Variants in KASH5 observed in about 807,000 individuals in gnomAD.
KASH5 encodes KASH domain containing 5.
In KASH5, 72 loss-of-function variants were observed where a neutral mutation model predicts 84.2. The observed-to-expected ratio is 0.85, with a 90% CI of 0.71 to 1.04. The LOEUF (loss-of-function observed/expected upper bound fraction) is 1.04. KASH5 is among the 50% of genes least tolerant of loss of function. The pLI is 0.00. For synonymous variants in KASH5, 260 were observed against 279.1 expected, an observed-to-expected ratio of 0.93 and a Z score of 0.68; for missense variants, 650 against 701.0, an observed-to-expected ratio of 0.93 and a Z score of 0.82.
intron 1 of KASH5, chr19:49,389,674 G>A (rs1289250261): frequency 2.0e-5 from 3 of 152,424 alleles, no homozygotes; most frequent in African/African-American, 7.2e-5. Context: ...GTGAGGACAG[G>A]CGAGCCCAGG....
In KASH5 at chr19:49,412,174, C is replaced by T. The variant is rs571040134; in HGVS notation, c.1270-794C>T. On this transcript the variant is annotated intron_variant, in intron 15 of 19. Coordinates refer to ENST00000447857, the MANE Select transcript of KASH5 (RefSeq NM_144688.5). This position sits in a 1 kb window ranked among gnomAD's most constrained non-coding sequence, Gnocchi z 4.6. ...GCCACAAGAAGGGTGGGGTCAGCTC[C>T]GGGCTTAAAAAGATCCCTCTGGAAC... Among the ~76,000 whole-genome samples, 4 of 152,252 alleles carry T rather than the reference C, an allele frequency of 2.6e-5. No homozygotes were observed. In the South Asian group the frequency reaches 8.3e-4, roughly 32 times the overall value.
intron 9 of KASH5, among the ~76,000 whole-genome samples, chr19:49,405,456 CAAA>C (rs58604196): frequency 0.047 from 4,270 of 90,324 alleles, 166 homozygotes; most frequent in African/African-American, 0.15. Flanking sequence ...AAACTCCTCT[CAAA>C]AAAAAAAAAA....
chr19:49,407,729 C>G, intron 12 of KASH5, 58 bp downstream of exon 12: 1 of 1,519,312 alleles, frequency 6.6e-7, no homozygotes, highest in South Asian at 1.2e-5. Flanking sequence ...TTTGCCATCT[C>G]TGGGACTTGC....
chr19:49,399,078 T>C lies in KASH5; in HGVS notation c.683T>C (p.Leu228Pro), dbSNP rs965605845. The change falls in exon 8 of 20, where the codon CTG becomes CCG. Residue 228 changes from leucine to proline, a missense_variant. Physicochemically the swap from Leu to Pro is moderately conservative, Grantham distance 98 (BLOSUM62 -3). Transcript: ENST00000447857. This position sits in a 1 kb window ranked among gnomAD's most constrained non-coding sequence, Gnocchi z 4.4. ...GCCATGGATGAGGAGCTGGAGGACC[T>C]GAAGACTCTGGCCAGGAGCCTGGAG... Reference protein sequence around the residue: ...AKAMDEELEDLKTLARSLEEQ... With the variant: ...AKAMDEELEDPKTLARSLEEQ... The C allele has an allele frequency of 6.4e-7, 1 of 1,551,664 alleles. No individual in the cohort carries two copies. Among genetic ancestry groups the C allele is most frequent in the Non-Finnish European group, 8.7e-7 (1 of 1,146,976 alleles).
chr19:49,408,018 C>T (rs745978275), intron 12 of KASH5, among the ~76,000 whole-genome samples: 63 of 152,080 alleles, frequency 4.1e-4, no homozygotes, highest in Admixed American at 2.2e-3. Context: ...CAGGTTCAAG[C>T]GATTGTCCTG....
intron 9 of KASH5, 70 bp from the exon 10 acceptor site, chr19:49,406,816 C>T (rs546944309): frequency 6.5e-6 from 9 of 1,381,314 alleles, no homozygotes; most frequent in African/African-American, 2.9e-5. Flanking sequence ...AAGTGTTTAG[C>T]AAATATCTGC....
At chr19:49,413,303 G>A (rs866935888) in intron 16 of KASH5, among the ~76,000 whole-genome samples, 11 of 152,178 alleles carry the variant, frequency 7.2e-5, no homozygotes, top group African/African-American at 1.9e-4. Context: ...TGGAATCAGC[G>A]TGGATTCAGA....
chr19:49,394,676 C>G, intron 3 of KASH5, 96 bp downstream of exon 3: 1 of 924,078 alleles, frequency 1.1e-6, no homozygotes. Flanking sequence ...GGGCTAAGGC[C>G]CCCTCTTGGG....
At position 49,395,650 on chromosome 19, in the gene KASH5, G is replaced by A. The variant is rs1259100363; in HGVS notation, c.336-119G>A. ...CCATCTGGCCTCACCCTCCTACCCTGTGGTGCCAGCTCTCACCTGACCCGG... is the reference window on the plus strand; with the variant it reads ...CCATCTGGCCTCACCCTCCTACCCTATGGTGCCAGCTCTCACCTGACCCGG... On this transcript the variant is annotated intron_variant, in intron 4 of 19. Coordinates refer to ENST00000447857, the MANE Select transcript of KASH5 (RefSeq NM_144688.5). The surrounding 1 kb of genome is among the most constrained non-coding windows in gnomAD (Gnocchi z 4.4). The A allele has an allele frequency of 4.0e-6, 4 of 990,926 alleles. No homozygotes were observed. The highest frequency in any genetic ancestry group is 1.6e-5 in the African/African-American group (1 of 62,410). 61.4% of individuals were successfully genotyped at this position (990,926 alleles called of 1,614,324 possible).
rs1974823450 is a variant in KASH5, at chr19:49,414,344, C to T, written c.1329-607C>T. On this transcript the variant is annotated intron_variant, in intron 16 of 19. Coordinates refer to ENST00000447857, the MANE Select transcript of KASH5 (RefSeq NM_144688.5). The surrounding 1 kb of genome is among the most constrained non-coding windows in gnomAD (Gnocchi z 4.5). ...TAAGAGGATTCGGCATGGGGAAGAG[C>T]TCCAACAGTTGAGTTCTGTGGGCTG... 6.6e-6 allele frequency among the ~76,000 whole-genome samples: 1 copy of T among 152,082 alleles called. No individual in the cohort carries two copies.
rs1347360864 is a variant in KASH5, at chr19:49,407,595, G to A, written c.934-17G>A. 5 of 1,578,364 alleles carry A rather than the reference G, an allele frequency of 3.2e-6. 1 individual carries two copies. In the South Asian group the frequency reaches 3.5e-5, roughly 11 times the overall value. On this transcript the variant is annotated splice_polypyrimidine_tract_variant and intron_variant, in intron 11 of 19. Transcript: ENST00000447857. ...GGGGAACTGGTCCCAGTCTCATTTGGCTTTCGGCTTTCCTAGCGCACTCGC... is the reference window on the plus strand; with the variant it reads ...GGGGAACTGGTCCCAGTCTCATTTGACTTTCGGCTTTCCTAGCGCACTCGC...
chr19:49,409,289 C>T lies in KASH5; in HGVS notation c.1146+6C>T, dbSNP rs375303355. On this transcript the variant is annotated splice_donor_region_variant and intron_variant, in intron 14 of 19. Coordinates refer to ENST00000447857, the MANE Select transcript of KASH5 (RefSeq NM_144688.5). ...AGATCGAGGCCATTCGACAGGTGGGCCTAACACCCCTGGAATAAGCTGCAG... is the reference window on the plus strand; with the variant it reads ...AGATCGAGGCCATTCGACAGGTGGGTCTAACACCCCTGGAATAAGCTGCAG... 2.2e-4 allele frequency: 356 copies of T among 1,612,968 alleles called. 1 individual carries two copies. The highest frequency in any genetic ancestry group is 1.9e-4 in the Non-Finnish European group (225 of 1,179,612).
chr19:49,407,439 G>C (rs182108044), intron 11 of KASH5, 143 bp downstream of exon 11: 2 of 1,118,618 alleles, frequency 1.8e-6, no homozygotes, highest in East Asian at 5.1e-5. Context: ...CAGGTCCCAA[G>C]TGTGACCCCT....
intron 9 of KASH5, among the ~76,000 whole-genome samples, chr19:49,404,727 T>C (rs1291230717): frequency 6.6e-6 from 1 of 152,206 alleles, no homozygotes; most frequent in Non-Finnish European, 1.5e-5. Context: ...CCAAGTCTCT[T>C]AGCCTCTCTA....
At position 49,414,651 on chromosome 19, in the gene KASH5, G is replaced by A. The variant is rs184175878; in HGVS notation, c.1329-300G>A. ...TTTGGGTAATTTGGTGAAAATTCCT[G>A]TGAAAAATACATATGCAGGACACCC... is the stretch of plus-strand genomic sequence containing the variant. On this transcript the variant is annotated intron_variant, in intron 16 of 19. Transcript: ENST00000447857. This position sits in a 1 kb window ranked among gnomAD's most constrained non-coding sequence, Gnocchi z 4.5. Among the ~76,000 whole-genome samples, 1 of 152,042 alleles carries A rather than the reference G, an allele frequency of 6.6e-6. No homozygotes were observed. The highest frequency in any genetic ancestry group is 2.4e-5 in the African/African-American group (1 of 41,424).
Position 49,412,048 on chromosome 19 carries a change from G to T in KASH5, c.1270-920G>T, listed in dbSNP as rs1345330188. Among the ~76,000 whole-genome samples the T allele has an allele frequency of 6.6e-6, 1 of 152,212 alleles. No homozygotes were observed. The highest frequency in any genetic ancestry group is 2.4e-5 in the African/African-American group (1 of 41,450). On this transcript the variant is annotated intron_variant, in intron 15 of 19. Coordinates refer to ENST00000447857, the MANE Select transcript of KASH5 (RefSeq NM_144688.5). This position sits in a 1 kb window ranked among gnomAD's most constrained non-coding sequence, Gnocchi z 4.6. The stretch of plus-strand genomic sequence containing the variant: ...GGCATAAAATCACGATATGCTTGAG[G>T]AGTAGAGGGTAACTAGGGGTGACTA...
In KASH5 at chr19:49,414,982, G is replaced by A. The variant is rs367716771; in HGVS notation, c.1360G>A (p.Glu454Lys). 5 of 1,612,924 alleles carry A rather than the reference G, an allele frequency of 3.1e-6. No homozygotes were observed. Among genetic ancestry groups the A allele is most frequent in the African/African-American group, 1.3e-5 (1 of 74,902 alleles). Residue 454 changes from glutamate (E) to lysine (K), a missense_variant, in exon 17 of 20, where the codon GAG becomes AAG. Transcript: ENST00000447857. This position sits in a 1 kb window ranked among gnomAD's most constrained non-coding sequence, Gnocchi z 4.5. The part of the protein sequence containing the change: ...LTRREEEEDA[E>K]SQVTADLPVP... ...CAGAAGAGAGGAAGAGGAGGATGCA[G>A]AGAGCCAGGTCACGGTAGGCAGTCC...
intron 5 of KASH5, among the ~76,000 whole-genome samples, chr19:49,396,545 C>T (rs779034849): frequency 5.3e-5 from 8 of 152,246 alleles, no homozygotes; most frequent in East Asian, 1.9e-4. Flanking sequence ...TGAGCCACTG[C>T]GCCAAGCCGT....
intron 9 of KASH5, among the ~76,000 whole-genome samples, chr19:49,404,889 G>A (rs911470327): frequency 6.6e-6 from 1 of 152,122 alleles, no homozygotes; most frequent in Non-Finnish European, 1.5e-5. Context: ...CTACCTACCA[G>A]TTTATAAGAA....
Sources: allele counts gnomAD v4.1 joint callset (sites outside exome capture counted in the v4.1 genomes callset), GRCh38; gene constraint gnomAD v4.1.1; non-coding constraint Gnocchi (gnomAD v3.1); transcripts MANE v1.5; gene names NCBI Gene and HGNC (gene_info 2026-07-23, HGNC 2026-07-21).